Variants in GLI3 observed in about 807,000 individuals in gnomAD.
The protein encoded by GLI3 is transcription activator GLI3.
In GLI3, 20 loss-of-function variants were observed where a neutral mutation model predicts 100.8. The ratio of observed to expected loss-of-function variants is 0.20; its 90% CI spans 0.14 to 0.29. The LOEUF (loss-of-function observed/expected upper bound fraction) is 0.29, where lower values mean the gene tolerates loss of function less well. Ranked by LOEUF, GLI3 falls within the 10% of genes least tolerant of loss-of-function variation. The pLI is 1.00. For missense variants in GLI3, 2,040 were observed against 2,128.5 expected, an observed-to-expected ratio of 0.96 and a Z score of 0.82; for synonymous variants, 938 against 860.5, an observed-to-expected ratio of 1.09 and a Z score of -1.58.
chr7:42,071,600 C>G (rs1355654670), intron 4 of GLI3, among the ~76,000 whole-genome samples: 1 of 152,146 alleles, frequency 6.6e-6, no homozygotes, highest in African/African-American at 2.4e-5. Context: ...AAGCAACGTG[C>G]TAAATTTAGG....
intron 2 of GLI3, among the ~76,000 whole-genome samples, chr7:42,190,989 C>A (rs1787816238): frequency 6.6e-6 from 1 of 151,276 alleles, no homozygotes; most frequent in African/African-American, 2.4e-5. Flanking sequence ...GAATGAAACC[C>A]AAACTAGAAA....
At chr7:42,053,140 C>T (rs1784386121) in intron 4 of GLI3, among the ~76,000 whole-genome samples, 1 of 152,184 alleles carries the variant, frequency 6.6e-6, no homozygotes, top group South Asian at 2.1e-4. Context: ...GGATTACAGG[C>T]ATGTGCCACC....
intron 5 of GLI3, among the ~76,000 whole-genome samples, chr7:42,046,811 A>G (rs1295665509): frequency 1.3e-5 from 2 of 152,198 alleles, no homozygotes; most frequent in East Asian, 3.8e-4. Flanking sequence ...TTCAAGTGCA[A>G]AATAAAATCT....
At chr7:42,229,126 T>G (rs1788642997) in intron 1 of GLI3, among the ~76,000 whole-genome samples, 1 of 152,184 alleles carries the variant, frequency 6.6e-6, no homozygotes. Context: ...TAATGTAGGG[T>G]GAAGTCGAAC....
chr7:42,199,821 C>T lies in GLI3; in HGVS notation c.124+23309G>A, dbSNP rs557958342. On this transcript the variant is annotated intron_variant, in intron 2 of 14. Coordinates refer to ENST00000395925, the MANE Select transcript of GLI3 (RefSeq NM_000168.6). Reference sequence around the variant, plus strand: ...CTGTAATCCCAGCACTTTGCGAGGTCGAGGCAGGCGGATCACATAAGGTCA... The same window carrying T: ...CTGTAATCCCAGCACTTTGCGAGGTTGAGGCAGGCGGATCACATAAGGTCA... 7.2e-5 allele frequency among the ~76,000 whole-genome samples: 11 copies of T among 152,252 alleles called. No individual in the cohort carries two copies. The South Asian group carries it at 2.1e-3, about 29-fold the overall frequency.
At position 41,961,234 on chromosome 7, in the gene GLI3, A is replaced by G. The variant is rs995882999; in HGVS notation, c.*3096T>C. On this transcript the variant is annotated 3_prime_UTR_variant, in exon 15 of 15. Transcript: ENST00000395925. ...TTTAAAAAAATCTAAAAAAGGTGAA[A>G]AAAATGAACTTGTATTTTATTTTAC... is the stretch of plus-strand genomic sequence containing the variant. The G allele has an allele frequency of 6.5e-6, 1 of 152,676 alleles. No individual in the cohort carries two copies. Among genetic ancestry groups the G allele is most frequent in the Non-Finnish European group, 1.5e-5 (1 of 68,056 alleles). The allele number at this position is 152,676 out of a possible 1,614,324, so 9.5% of individuals were successfully genotyped here. A position where few individuals can be genotyped will look rare whatever the true frequency, so the allele number is the denominator to read the frequency against.
intron 3 of GLI3, among the ~76,000 whole-genome samples, chr7:42,097,768 A>G (rs1785371988): frequency 6.6e-6 from 1 of 152,164 alleles, no homozygotes; most frequent in Non-Finnish European, 1.5e-5. Flanking sequence ...TTATGAGCCT[A>G]CGTTCCTCTC....
At chr7:42,039,758 T>C (rs1041642895) in intron 7 of GLI3, among the ~76,000 whole-genome samples, 11 of 152,234 alleles carry the variant, frequency 7.2e-5, no homozygotes, top group Non-Finnish European at 1.2e-4. Context: ...AGATTTGCCC[T>C]ACTTACTGTC....
chr7:42,087,657 A>C (rs1785130315), intron 3 of GLI3, among the ~76,000 whole-genome samples: 1 of 151,992 alleles, frequency 6.6e-6, no homozygotes. Flanking sequence ...TGGAGGTCAA[A>C]AGTTTAAAAG....
intron 5 of GLI3, among the ~76,000 whole-genome samples, chr7:42,046,079 A>G (rs1784238859): frequency 6.6e-6 from 1 of 152,196 alleles, no homozygotes; most frequent in Non-Finnish European, 1.5e-5. Context: ...CATAATTTAA[A>G]AGCTCTCTTT....
rs748790609 is a variant in GLI3 at position 41,964,526 on chromosome 7, G to T, written c.4547C>A (p.Ser1516Tyr). ...GCTCAGGGCCCCCGACATCAGGCTGGAGTGGTCCCCATCGTCTATGATGGC... is the reference window on the plus strand; with the variant it reads ...GCTCAGGGCCCCCGACATCAGGCTGTAGTGGTCCCCATCGTCTATGATGGC... ...FDAIIDDGDH[S>Y]SLMSGALSPS... The change falls in exon 15 of 15, where the codon TCC becomes TAC. Residue 1516 changes from serine to tyrosine, a missense_variant. Physicochemically the swap from Ser to Tyr is moderately radical, Grantham distance 144. Transcript: ENST00000395925. The T allele has an allele frequency of 6.2e-7, 1 of 1,613,804 alleles. No individual in the cohort carries two copies. Among genetic ancestry groups the T allele is most frequent in the Admixed American group, 1.7e-5 (1 of 60,024 alleles).
chr7:42,236,375 G>C (rs1319744582), intron 1 of GLI3, among the ~76,000 whole-genome samples: 1 of 152,194 alleles, frequency 6.6e-6, no homozygotes, highest in Non-Finnish European at 1.5e-5. Context: ...ATCATATACA[G>C]ATGGTACAAC....
At chr7:41,998,475 A>T (rs1386214199) in intron 10 of GLI3, among the ~76,000 whole-genome samples, 1 of 152,170 alleles carries the variant, frequency 6.6e-6, no homozygotes, top group Admixed American at 6.5e-5. Flanking sequence ...CATTAATGGG[A>T]CCTATTCCAT....
intron 10 of GLI3, among the ~76,000 whole-genome samples, chr7:42,016,863 G>A (rs991067343): frequency 1.2e-4 from 18 of 152,102 alleles, no homozygotes; most frequent in African/African-American, 3.6e-4. Context: ...CCATAGAGTC[G>A]CAATACACAA....
At chr7:42,158,157 T>C (rs1243870784) in intron 2 of GLI3, among the ~76,000 whole-genome samples, 1 of 152,186 alleles carries the variant, frequency 6.6e-6, no homozygotes, top group Non-Finnish European at 1.5e-5. Flanking sequence ...AAATGGGAAA[T>C]GCGTTAACAA....
chr7:42,198,354 T>C lies in GLI3; in HGVS notation c.124+24776A>G, dbSNP rs545950779. Among the ~76,000 whole-genome samples the C allele has an allele frequency of 5.3e-5, 8 of 152,198 alleles. No homozygotes were observed. In the South Asian group the frequency reaches 1.2e-3, roughly 24 times the overall value. Reference sequence around the variant, plus strand: ...CAGGTTCGGAGCTTCAGAGAGGCAGTCAAGTGTCTGAGGCTGGAGAGTGAG... The same window carrying C: ...CAGGTTCGGAGCTTCAGAGAGGCAGCCAAGTGTCTGAGGCTGGAGAGTGAG... On this transcript the variant is annotated intron_variant, in intron 2 of 14. Coordinates refer to ENST00000395925, the MANE Select transcript of GLI3 (RefSeq NM_000168.6).
Position 41,989,953 on chromosome 7 carries a change from C to T in GLI3, c.1498-11205G>A, listed in dbSNP as rs962141654. On this transcript the variant is annotated intron_variant, in intron 10 of 14. Transcript: ENST00000395925. The stretch of plus-strand genomic sequence containing the variant: ...AGTGAGCTGAGATTGCACCACTGCA[C>T]GCCAGCCTGGGTGACAGAGCAAGAC... Among the ~76,000 whole-genome samples the T allele has an allele frequency of 5.0e-5, 7 of 139,358 alleles. No individual in the cohort carries two copies. The East Asian group carries it at 8.2e-4, about 16-fold the overall frequency. 91.4% of individuals were successfully genotyped at this position (139,358 alleles called of 152,430 possible).
At chr7:42,114,697 G>T (rs1162997166) in intron 3 of GLI3, among the ~76,000 whole-genome samples, 1 of 150,654 alleles carries the variant, frequency 6.6e-6, no homozygotes, top group African/African-American at 2.4e-5. Flanking sequence ...AGAGTTTTTT[G>T]TTTGTTTGTT....
In GLI3 at chr7:41,966,367, G is replaced by A. The variant is rs779103816; in HGVS notation, c.2706C>T (p.Ala902=). 1.8e-5 allele frequency: 29 copies of A among 1,608,758 alleles called. No individual in the cohort carries two copies. Among genetic ancestry groups the A allele is most frequent in the African/African-American group, 5.3e-5 (4 of 74,920 alleles). ...ADSYDPISTD[A]SRRSSEASQS... Reference sequence around the variant, plus strand: ...GGCTGGCTTCGCTGGAGCGGCGCGAGGCGTCGGTGGAGATGGGGTCGTAGG... The same window carrying A: ...GGCTGGCTTCGCTGGAGCGGCGCGAAGCGTCGGTGGAGATGGGGTCGTAGG... The change falls in exon 15 of 15, where the codon GCC becomes GCT. Residue 902 remains alanine (A), a synonymous_variant. Coordinates refer to ENST00000395925, the MANE Select transcript of GLI3 (RefSeq NM_000168.6). The surrounding 1 kb of genome is among the most constrained non-coding windows in gnomAD (Gnocchi z 5.8).
Sources: gnomAD v4.1 joint callset for allele counts (sites outside exome capture counted in the v4.1 genomes callset) on GRCh38, gnomAD v4.1.1 for gene constraint, Gnocchi (gnomAD v3.1) non-coding constraint, MANE v1.5 for transcripts, NCBI Gene and HGNC (gene_info 2026-07-23, HGNC 2026-07-21) for gene names.